Variants in CSMD1 observed in about 807,000 individuals in gnomAD.
CSMD1 encodes the protein CUB and Sushi multiple domains 1.
A neutral mutation model predicts 417.5 loss-of-function variants in CSMD1; 213 were observed. That is an observed-to-expected ratio of 0.51 (90% CI 0.46 to 0.57). The LOEUF (loss-of-function observed/expected upper bound fraction) is 0.57, where lower values mean the gene tolerates loss of function less well. Among genes scored for constraint, CSMD1 ranks in the 20% least tolerant of loss-of-function variants. The probability of loss-of-function intolerance (pLI) is 0.00; values close to 1 mark genes in which losing one functional copy is unlikely to be tolerated. For synonymous variants in CSMD1, 2,862 were observed against 1,736.8 expected (o/e 1.65, Z -16.11); for missense variants, 6,923 against 4,529.7 (o/e 1.53, Z -15.17).
intron 7 of CSMD1, among the ~76,000 whole-genome samples, chr8:3,634,765 T>A (rs143022300): frequency 1.3e-5 from 2 of 152,298 alleles, no homozygotes; most frequent in South Asian, 4.1e-4. Flanking sequence ...TTTGATTGCT[T>A]ACCCATTAGT....
At chr8:4,828,144 G>C (rs951464230) in intron 1 of CSMD1, among the ~76,000 whole-genome samples, 34 of 152,114 alleles carry the variant, frequency 2.2e-4, no homozygotes, top group African/African-American at 5.8e-4. Flanking sequence ...TATCCCACGA[G>C]GAAATTCACT....
rs570047386 is a variant in CSMD1, at chr8:4,037,130, T to C, written c.416-5031A>G. On this transcript the variant is annotated intron_variant, in intron 3 of 69. Coordinates refer to ENST00000635120, the MANE Select transcript of CSMD1 (RefSeq NM_033225.6). ...ATTATTTTACTTGTTTTTATTAATC[T>C]TTCTTAAGTGAATGTAGAGCTCACA... Among the ~76,000 whole-genome samples, 4 of 152,364 alleles carry C rather than the reference T, an allele frequency of 2.6e-5. No homozygotes were observed. The East Asian group carries it at 7.7e-4, about 29-fold the overall frequency.
chr8:3,599,868 G>A (rs73660333), intron 8 of CSMD1, among the ~76,000 whole-genome samples: 1,613 of 152,306 alleles, frequency 0.011, 27 homozygotes, highest in African/African-American at 0.033. Flanking sequence ...ACAAGAAAGT[G>A]TAATGGAGTG....
intron 1 of CSMD1, among the ~76,000 whole-genome samples, chr8:4,769,822 G>C (rs552294395): frequency 1.1e-4 from 16 of 152,114 alleles, no homozygotes; most frequent in African/African-American, 3.9e-4. Flanking sequence ...ATTTTAAAAA[G>C]CTTATGTTGT....
intron 52 of CSMD1, among the ~76,000 whole-genome samples, chr8:3,004,465 T>G (rs2128958188): frequency 6.6e-6 from 1 of 152,298 alleles, no homozygotes; most frequent in South Asian, 2.1e-4. Context: ...TCTGCGTGAA[T>G]TTATTAGTCT....
At chr8:3,475,621 G>T (rs756923657) in intron 11 of CSMD1, among the ~76,000 whole-genome samples, 1 of 152,142 alleles carries the variant, frequency 6.6e-6, no homozygotes, top group African/African-American at 2.4e-5. Context: ...GAACTCTTCA[G>T]ACCTAAAATT....
chr8:3,821,166 C>T (rs925910487), intron 5 of CSMD1, among the ~76,000 whole-genome samples: 10 of 152,172 alleles, frequency 6.6e-5, no homozygotes, highest in African/African-American at 2.2e-4. Context: ...GATCCACCCG[C>T]CTCGGCCTCC....
chr8:3,054,219 G>A (rs1314234829), intron 49 of CSMD1, among the ~76,000 whole-genome samples: 5 of 152,190 alleles, frequency 3.3e-5, no homozygotes, highest in Non-Finnish European at 7.4e-5. Context: ...GAAATTGCCA[G>A]AGAAGTAAAA....
chr8:3,981,450 T>G (rs1813857418), intron 5 of CSMD1, among the ~76,000 whole-genome samples: 1 of 141,948 alleles, frequency 7.0e-6, no homozygotes, highest in Non-Finnish European at 1.5e-5. Flanking sequence ...CTAAAGAACT[T>G]ACTCATGTAT....
intron 1 of CSMD1, chr8:4,787,244 C>G (rs768376073): frequency 3.8e-6 from 2 of 519,962 alleles, no homozygotes; most frequent in African/African-American, 1.9e-5. Flanking sequence ...CCTCCTTCCC[C>G]GCCCAGAGAT....
intron 2 of CSMD1, among the ~76,000 whole-genome samples, chr8:4,568,089 A>G (rs1585261448): frequency 6.6e-6 from 1 of 152,230 alleles, no homozygotes; most frequent in South Asian, 2.1e-4. Flanking sequence ...ATGCAAGAAT[A>G]AAAATAAAAT....
chr8:3,234,618 G>T (rs1419531978), intron 26 of CSMD1, among the ~76,000 whole-genome samples: 1 of 152,180 alleles, frequency 6.6e-6, no homozygotes, highest in Non-Finnish European at 1.5e-5. Context: ...GCAAAGACTG[G>T]AACACAGGGA....
chr8:4,282,783 G>C (rs552116781), intron 3 of CSMD1, among the ~76,000 whole-genome samples: 1 of 152,226 alleles, frequency 6.6e-6, no homozygotes, highest in African/African-American at 2.4e-5. Context: ...GCTTTTTATA[G>C]TAATTACACT....
chr8:3,969,235 G>A lies in CSMD1; in HGVS notation c.818+28668C>T, dbSNP rs561559406. On this transcript the variant is annotated intron_variant, in intron 5 of 69. Transcript: ENST00000635120. Reference sequence around the variant, plus strand: ...ACTGCACTCCAGCCTGGGTGACAGAGTGAGACTCTGTCTCGATAAATAAAG... The same window carrying A: ...ACTGCACTCCAGCCTGGGTGACAGAATGAGACTCTGTCTCGATAAATAAAG... Among the ~76,000 whole-genome samples the A allele has an allele frequency of 2.7e-4, 41 of 152,268 alleles. No individual in the cohort carries two copies. The South Asian group carries it at 7.9e-3, about 29-fold the overall frequency.
chr8:4,133,325 A>G (rs2130988052), intron 3 of CSMD1, among the ~76,000 whole-genome samples: 1 of 152,368 alleles, frequency 6.6e-6, no homozygotes, highest in Admixed American at 6.5e-5. Flanking sequence ...AGGACAAATA[A>G]TGATAGACTT....
intron 5 of CSMD1, among the ~76,000 whole-genome samples, chr8:3,958,923 G>A (rs1318153084): frequency 6.6e-6 from 1 of 152,160 alleles, no homozygotes; most frequent in African/African-American, 2.4e-5. Flanking sequence ...ACAATCATTT[G>A]TGCAACTCAC....
chr8:3,315,385 A>C (rs1379892181), intron 23 of CSMD1, among the ~76,000 whole-genome samples: 1 of 151,818 alleles, frequency 6.6e-6, no homozygotes, highest in Admixed American at 6.6e-5. Flanking sequence ...TGATTGTTCC[A>C]TGTTTTACAA....
chr8:3,703,296 G>A (rs995722054), intron 7 of CSMD1, among the ~76,000 whole-genome samples: 1 of 152,176 alleles, frequency 6.6e-6, no homozygotes, highest in Non-Finnish European at 1.5e-5. Context: ...ATTGTGGAGG[G>A]TTGAAAGCAA....
intron 3 of CSMD1, among the ~76,000 whole-genome samples, chr8:4,121,097 TTTTA>T (rs1197884737): frequency 2.0e-5 from 3 of 151,570 alleles, no homozygotes; most frequent in East Asian, 1.9e-4. Context: ...TTATTTTATT[TTTTA>T]TTTATTTTTA....
Sources: allele counts gnomAD v4.1 joint callset (sites outside exome capture counted in the v4.1 genomes callset), GRCh38; gene constraint gnomAD v4.1.1; transcripts MANE v1.5; gene names NCBI Gene and HGNC (gene_info 2026-07-23, HGNC 2026-07-21).